MBD5: variants seen among roughly 807,000 people sequenced by gnomAD.
The protein encoded by MBD5 is methyl-CpG-binding domain protein 5.
In MBD5, 13 loss-of-function variants were observed where a neutral mutation model predicts 117.3. That is an observed-to-expected ratio of 0.11 (90% CI 0.07 to 0.18). The LOEUF is 0.18. Ranked by LOEUF, MBD5 falls within the 10% of genes least tolerant of loss-of-function variation. The pLI is 1.00. For missense variants in MBD5, 1,879 were observed against 2,093.8 expected (o/e 0.90, Z 2.00); for synonymous variants, 727 against 766.4 (o/e 0.95, Z 0.85).
At chr2:148,306,595 T>C (rs2106505826) in intron 3 of MBD5, among the ~76,000 whole-genome samples, 1 of 152,354 alleles carries the variant, frequency 6.6e-6, no homozygotes. Flanking sequence ...AAGATTGCTC[T>C]AAGTTATAGA....
intron 3 of MBD5, among the ~76,000 whole-genome samples, chr2:148,292,026 A>G (rs1247567392): frequency 6.6e-6 from 1 of 152,202 alleles, no homozygotes; most frequent in Non-Finnish European, 1.5e-5. Context: ...AAAAGAATGA[A>G]ACTAGACCCC....
chr2:148,509,915 A>T (rs894108863), intron 12 of MBD5, 145 bp from the exon 13 acceptor site: 1 of 684,272 alleles, frequency 1.5e-6, no homozygotes, highest in African/African-American at 1.8e-5. Context: ...TCCCAGAGTG[A>T]TGTTTTGTCA....
intron 1 of MBD5, among the ~76,000 whole-genome samples, chr2:148,123,430 G>T (rs1047688603): frequency 7.2e-5 from 11 of 152,132 alleles, no homozygotes; most frequent in African/African-American, 2.4e-4. Flanking sequence ...ACACTTTTTG[G>T]TGACTGTTGA....
intron 1 of MBD5, among the ~76,000 whole-genome samples, chr2:148,074,507 G>GTTTTTTTTTTTTTTTTTTTTTTTTTTT (rs11443189): frequency 2.6e-5 from 3 of 113,770 alleles, no homozygotes; most frequent in South Asian, 2.9e-4. Context: ...TTTTTTTTTT[G>GTTTTTTTTTTTTTTTTTTTTTTTTTTT]TTTTTTTTTT....
chr2:148,398,748 A>G (rs1199415838), intron 4 of MBD5, among the ~76,000 whole-genome samples: 4 of 152,150 alleles, frequency 2.6e-5, no homozygotes, highest in Non-Finnish European at 5.9e-5. Context: ...CCTGAATGGT[A>G]TTGCCTAGGT....
intron 3 of MBD5, among the ~76,000 whole-genome samples, chr2:148,261,446 T>C (rs1482118059): frequency 6.6e-6 from 1 of 152,218 alleles, no homozygotes; most frequent in Non-Finnish European, 1.5e-5. Context: ...ATGGCTTCTT[T>C]TCTTAAACCT....
At chr2:148,403,094 T>C (rs1280283716) in intron 4 of MBD5, among the ~76,000 whole-genome samples, 1 of 152,126 alleles carries the variant, frequency 6.6e-6, no homozygotes, top group East Asian at 1.9e-4. Flanking sequence ...TCTCTAGAAG[T>C]TCAATTTGGC....
intron 1 of MBD5, among the ~76,000 whole-genome samples, chr2:148,176,854 G>T (rs1221691783): frequency 6.8e-6 from 1 of 147,250 alleles, no homozygotes; most frequent in East Asian, 2.0e-4. Context: ...TCCCCAGCCT[G>T]CCACCCCCAC....
rs111428229 is a variant in MBD5, at chr2:148,436,619, G to T, written c.-556-21584G>T. On this transcript the variant is annotated intron_variant, in intron 4 of 13. Coordinates refer to ENST00000642680, the MANE Select transcript of MBD5 (RefSeq NM_001378120.1). ...ACTCCCGACCTCAGGTGATCTGCCT[G>T]CCTCAGCCTCCCAAAGTGCTGAGAT... Among the ~76,000 whole-genome samples, 842 of 152,186 alleles carry T rather than the reference G, an allele frequency of 5.5e-3. 8 individuals are homozygous for T. Among genetic ancestry groups the T allele is most frequent in the African/African-American group, 0.02 (816 of 41,520 alleles).
chr2:148,074,003 T>C, intron 1 of MBD5, among the ~76,000 whole-genome samples: 1 of 152,208 alleles, frequency 6.6e-6, no homozygotes, highest in Non-Finnish European at 1.5e-5. Flanking sequence ...TAATCTTTTT[T>C]TTTTCTTTTA....
intron 1 of MBD5, among the ~76,000 whole-genome samples, chr2:148,150,036 A>C (rs1457452053): frequency 7.9e-6 from 1 of 126,774 alleles, no homozygotes; most frequent in Non-Finnish European, 1.7e-5. Context: ...CCTGAATGGT[A>C]ATGCCTAGGT....
At chr2:148,502,161 GTTGT>G (rs1304245831) in intron 11 of MBD5, among the ~76,000 whole-genome samples, 1 of 152,162 alleles carries the variant, frequency 6.6e-6, no homozygotes, top group Non-Finnish European at 1.5e-5. Context: ...TGAATTGAAG[GTTGT>G]TTAAATTCCA....
At chr2:148,495,313 G>A (rs13033892) in intron 11 of MBD5, among the ~76,000 whole-genome samples, 6,440 of 152,128 alleles carry the variant, frequency 0.042, 171 homozygotes, top group African/African-American at 0.07. Context: ...TAAAGAAAAT[G>A]CTCTTGTTTT....
intron 4 of MBD5, among the ~76,000 whole-genome samples, chr2:148,376,212 ATG>A (rs1703980905): frequency 6.6e-6 from 1 of 150,890 alleles, no homozygotes; most frequent in Admixed American, 6.6e-5. Context: ...TAAGCTCTAC[ATG>A]TATGATTTGT....
intron 2 of MBD5, among the ~76,000 whole-genome samples, chr2:148,224,835 T>C (rs1346723747): frequency 6.6e-6 from 1 of 152,122 alleles, no homozygotes; most frequent in Non-Finnish European, 1.5e-5. Context: ...GTCTCTCTTA[T>C]AGTTTTTGAC....
chr2:148,489,796 TGG>T lies in MBD5; in HGVS notation c.4165_4166del (p.Gly1389Ter). On this transcript the variant is annotated frameshift_variant, in exon 11 of 14. Transcript: ENST00000642680. LOFTEE classifies it high-confidence loss of function. ...GRNMGGVDHD[G>X]RLRNSRGARL... ...GGAACATGGGAGGTGTTGATCATGA[TGG>T]TAGGCTGAGGAATTCAAGAGGGGCT... 6.2e-7 allele frequency: 1 copy of T among 1,614,056 alleles called. No individual in the cohort carries two copies. Among genetic ancestry groups the T allele is most frequent in the South Asian group, 1.1e-5 (1 of 91,064 alleles).
intron 4 of MBD5, among the ~76,000 whole-genome samples, chr2:148,457,745 T>C (rs1207102906): frequency 1.3e-5 from 2 of 152,156 alleles, no homozygotes; most frequent in Non-Finnish European, 2.9e-5. Flanking sequence ...AAAATAAACA[T>C]TTTCTTCTCT....
chr2:148,360,125 A>G (rs191452332), intron 4 of MBD5, among the ~76,000 whole-genome samples: 87 of 152,232 alleles, frequency 5.7e-4, no homozygotes, highest in Non-Finnish European at 9.1e-4. Flanking sequence ...GAAATTGCAA[A>G]TGCAGTGTGC....
chr2:148,329,359 G>A (rs1276988623), intron 3 of MBD5, among the ~76,000 whole-genome samples: 3 of 152,116 alleles, frequency 2.0e-5, no homozygotes, highest in East Asian at 3.8e-4. Flanking sequence ...AAGGCTGTGA[G>A]CTTATTTGGA....
Sources: allele counts gnomAD v4.1 joint callset (sites outside exome capture counted in the v4.1 genomes callset), GRCh38; gene constraint gnomAD v4.1.1; transcripts MANE v1.5; gene names NCBI Gene and HGNC (gene_info 2026-07-23, HGNC 2026-07-21).